The following PCDH15 variants were observed in gnomAD, a reference collection of about 807,000 sequenced individuals.
The protein encoded by PCDH15 is protocadherin related 15.
PCDH15 carries 129 observed loss-of-function variants against 178.5 expected under a neutral mutation model. The observed-to-expected ratio is 0.72, with a 90% CI of 0.63 to 0.84. The LOEUF (loss-of-function observed/expected upper bound fraction) is 0.84, where lower values mean the gene tolerates loss of function less well. Among genes scored for constraint, PCDH15 ranks in the 40% least tolerant of loss-of-function variants. The probability of loss-of-function intolerance (pLI) is 0.00; values close to 1 mark genes in which losing one functional copy is unlikely to be tolerated. For missense variants in PCDH15, 2,230 were observed against 2,099.9 expected (o/e 1.06, Z -1.21); for synonymous variants, 800 against 732.0 (o/e 1.09, Z -1.50).
chr10:55,104,443 T>A (rs1842633044), intron 2 of PCDH15, among the ~76,000 whole-genome samples: 1 of 152,176 alleles, frequency 6.6e-6, no homozygotes, highest in Admixed American at 6.5e-5. Context: ...TGCTTTAAGT[T>A]GTCACATAAT....
At chr10:54,801,675 C>G (rs1388802170), upstream of PCDH15, among the ~76,000 whole-genome samples, 1 of 152,090 alleles carries the variant, frequency 6.6e-6, no homozygotes, top group Admixed American at 6.6e-5. Context: ...ATATGAAGCC[C>G]TCCACATCTT....
chr10:54,241,647 TG>T (rs1717947488), intron 8 of PCDH15, among the ~76,000 whole-genome samples: 2 of 152,152 alleles, frequency 1.3e-5, no homozygotes, highest in Non-Finnish European at 1.5e-5. Flanking sequence ...TCCTGAATTC[TG>T]TTCCAGTTGA....
intron 2 of PCDH15, among the ~76,000 whole-genome samples, chr10:55,126,002 T>G (rs561634873): frequency 6.6e-6 from 1 of 152,198 alleles, no homozygotes; most frequent in East Asian, 1.9e-4. Context: ...TAAGTTGCAA[T>G]GTATTTCCAT....
At chr10:54,967,077 C>T (rs1350793150) in intron 2 of PCDH15, among the ~76,000 whole-genome samples, 1 of 152,018 alleles carries the variant, frequency 6.6e-6, no homozygotes, top group Admixed American at 6.6e-5. Flanking sequence ...AATGTGAAGG[C>T]CTAGGACATC....
chr10:54,788,760 TC>T (rs945205378), intron 1 of PCDH15, among the ~76,000 whole-genome samples: 2 of 152,004 alleles, frequency 1.3e-5, no homozygotes, highest in African/African-American at 4.8e-5. Context: ...GGTCAAATCT[TC>T]CATTGAGTTT....
chr10:55,094,834 A>G (rs966084244), intron 2 of PCDH15, among the ~76,000 whole-genome samples: 1 of 152,040 alleles, frequency 6.6e-6, no homozygotes, highest in Non-Finnish European at 1.5e-5. Context: ...ATTATTTCTT[A>G]TATTTACAGA....
rs55871741 is a variant in PCDH15 at position 54,003,736 on chromosome 10, CAAAAAAAAA to C, written c.2752-7980_2752-7972del. Among the ~76,000 whole-genome samples, 659 of 76,250 alleles carry C rather than the reference CAAAAAAAAA, an allele frequency of 8.6e-3. 5 individuals are homozygous for C. Among genetic ancestry groups the C allele is most frequent in the African/African-American group, 0.034 (634 of 18,812 alleles). 50.0% of individuals were successfully genotyped at this position (76,250 alleles called of 152,430 possible). On this transcript the variant is annotated intron_variant, in intron 20 of 37. Coordinates refer to ENST00000644397, the MANE Select transcript of PCDH15 (RefSeq NM_001384140.1). ...AATACTAATCTTACTCAAACTATTC[CAAAAAAAAA>C]AAAAAAAAAAAAAAAACAGGAGGAG...
chr10:55,363,363 A>G (rs1432578717), intron 2 of PCDH15, among the ~76,000 whole-genome samples: 1 of 152,212 alleles, frequency 6.6e-6, no homozygotes. Flanking sequence ...GTTATAAATA[A>G]AGTGACTATC....
intron 1 of PCDH15, among the ~76,000 whole-genome samples, chr10:54,785,896 C>A (rs1269370193): frequency 6.6e-6 from 1 of 151,928 alleles, no homozygotes; most frequent in Admixed American, 6.6e-5. Flanking sequence ...TTGCCATCAG[C>A]ACCCCCTTCT....
chr10:54,229,443 T>C (rs368043187), intron 9 of PCDH15, among the ~76,000 whole-genome samples: 1 of 152,174 alleles, frequency 6.6e-6, no homozygotes, highest in African/African-American at 2.4e-5. Flanking sequence ...TTATAAAATG[T>C]AGCTATCATT....
At chr10:54,831,492 T>G (rs1324432396) in intron 3 of PCDH15, among the ~76,000 whole-genome samples, 1 of 152,136 alleles carries the variant, frequency 6.6e-6, no homozygotes, top group Non-Finnish European at 1.5e-5. Context: ...CTTATAATAA[T>G]ACATTTCTAA....
intron 3 of PCDH15, among the ~76,000 whole-genome samples, chr10:54,403,545 C>A (rs945169980): frequency 2.0e-5 from 3 of 151,900 alleles, no homozygotes; most frequent in African/African-American, 7.3e-5. Context: ...GACAAAGATA[C>A]CCCCTATCAC....
At chr10:54,126,372 C>T (rs1294453461) in intron 15 of PCDH15, among the ~76,000 whole-genome samples, 2 of 151,930 alleles carry the variant, frequency 1.3e-5, no homozygotes, top group South Asian at 2.1e-4. Context: ...AATTTACCTG[C>T]TATCTCATTT....
chr10:53,922,823 G>A lies in PCDH15; in HGVS notation c.3373+15992C>T, dbSNP rs376662129. 9.9e-5 allele frequency among the ~76,000 whole-genome samples: 15 copies of A among 152,178 alleles called. No individual in the cohort carries two copies. The East Asian group carries it at 1.4e-3, about 14-fold the overall frequency. On this transcript the variant is annotated intron_variant, in intron 25 of 37. Transcript: ENST00000644397. ...AAATATAGGTCAGGTGTGGTGGCTC[G>A]TGCCTGTAATCCCAGCACTTTGGGA...
At chr10:55,416,620 G>T (rs1838490714) in intron 2 of PCDH15, among the ~76,000 whole-genome samples, 1 of 151,716 alleles carries the variant, frequency 6.6e-6, no homozygotes, top group African/African-American at 2.4e-5. Context: ...GATAAAGTTG[G>T]CAGGAAAAGC....
chr10:55,237,646 A>G (rs959412546), intron 1 of PCDH15, among the ~76,000 whole-genome samples: 1 of 152,142 alleles, frequency 6.6e-6, no homozygotes, highest in African/African-American at 2.4e-5. Flanking sequence ...CTACTTACCT[A>G]AACATCAAAC....
chr10:55,514,545 C>T lies in PCDH15; in HGVS notation c.-156+113080G>A, dbSNP rs142526180. ...ATTTTAATGATTGGGTTCGGCAAAG[C>T]GTAGACAGCCGTGTAAAAATATGAT... On this transcript the variant is annotated intron_variant, in intron 2 of 5. Coordinates refer to the PCDH15 transcript ENST00000613346. 3.6e-3 allele frequency among the ~76,000 whole-genome samples: 551 copies of T among 152,154 alleles called. 7 individuals are homozygous for T. The highest frequency in any genetic ancestry group is 0.013 in the African/African-American group (529 of 41,536).
chr10:54,076,609 G>A (rs1185045016), intron 17 of PCDH15, among the ~76,000 whole-genome samples: 2 of 151,492 alleles, frequency 1.3e-5, no homozygotes, highest in Non-Finnish European at 2.9e-5. Flanking sequence ...AGTTTTATCT[G>A]TACCCCCGAT....
At chr10:55,522,330 AT>A (rs1234205771) in intron 2 of PCDH15, among the ~76,000 whole-genome samples, 2 of 151,588 alleles carry the variant, frequency 1.3e-5, no homozygotes, top group East Asian at 1.9e-4. Flanking sequence ...CTATAGATCC[AT>A]TTTTTTCTAT....
Sources: allele counts gnomAD v4.1 joint callset (sites outside exome capture counted in the v4.1 genomes callset), GRCh38; gene constraint gnomAD v4.1.1; transcripts MANE v1.5; gene names NCBI Gene and HGNC (gene_info 2026-07-23, HGNC 2026-07-21).